SENP1: variants seen among roughly 807,000 people sequenced by gnomAD.
The protein encoded by SENP1 is sentrin-specific protease 1.
SENP1 carries 21 observed loss-of-function variants against 93.0 expected under a neutral mutation model. The ratio of observed to expected loss-of-function variants is 0.23; its 90% CI spans 0.16 to 0.33. The LOEUF (loss-of-function observed/expected upper bound fraction) is 0.33. Ranked by LOEUF, SENP1 falls within the 10% of genes least tolerant of loss-of-function variation. The pLI, the probability that SENP1 is intolerant of heterozygous loss-of-function variation, is 1.00. For synonymous variants in SENP1, 256 were observed against 259.6 expected (o/e 0.99, Z 0.13); for missense variants, 591 against 758.7 (o/e 0.78, Z 2.60).
At chr12:48,087,179 T>G (rs1294323477) in intron 5 of SENP1, among the ~76,000 whole-genome samples, 1 of 152,322 alleles carries the variant, frequency 6.6e-6, no homozygotes, top group African/African-American at 2.4e-5. Context: ...TGAGAAAATT[T>G]AAATATGACT....
At chr12:48,079,429 A>G (rs1209498634) in intron 6 of SENP1, among the ~76,000 whole-genome samples, 1 of 150,962 alleles carries the variant, frequency 6.6e-6, no homozygotes, top group Admixed American at 6.6e-5. Context: ...AACCCGGGAG[A>G]CGGAGGTTGC....
chr12:48,085,220 G>T (rs574322455), intron 5 of SENP1: 33 of 1,536,532 alleles, frequency 2.1e-5, no homozygotes, highest in Non-Finnish European at 2.9e-5. Flanking sequence ...ACACTTTCCG[G>T]CAATTTCTAA....
In SENP1 at chr12:48,062,566, T is replaced by C. The variant is rs1943028474; in HGVS notation, c.1407+1144A>G. 1.3e-5 allele frequency among the ~76,000 whole-genome samples: 2 copies of C among 152,236 alleles called. 1 individual carries two copies. The highest frequency in any genetic ancestry group is 1.3e-4 in the Admixed American group (2 of 15,284). On this transcript the variant is annotated intron_variant, in intron 13 of 17. Transcript: ENST00000549518. Reference sequence around the variant, plus strand: ...GAGAAAAAAAGCATCCTGGACATGATATATGGCTCCTAAGTTCTATATATC... The same window carrying C: ...GAGAAAAAAAGCATCCTGGACATGACATATGGCTCCTAAGTTCTATATATC...
intron 13 of SENP1, among the ~76,000 whole-genome samples, chr12:48,060,629 T>C (rs1942896728): frequency 6.6e-6 from 1 of 152,164 alleles, no homozygotes; most frequent in Non-Finnish European, 1.5e-5. Context: ...ACTCACCCTG[T>C]AGTAGAGTGC....
At chr12:48,073,388 T>C (rs779982988) in intron 8 of SENP1, among the ~76,000 whole-genome samples, 1 of 151,402 alleles carries the variant, frequency 6.6e-6, no homozygotes, top group Non-Finnish European at 1.5e-5. Flanking sequence ...AGTTTAATCC[T>C]GAGTGAGAAT....
At chr12:48,081,606 T>C (rs950610379) in intron 6 of SENP1, among the ~76,000 whole-genome samples, 6 of 145,364 alleles carry the variant, frequency 4.1e-5, no homozygotes, top group Admixed American at 2.1e-4. Context: ...TGTCTTGCTC[T>C]GTCACCCAGG....
chr12:48,056,800 A>G (rs1286495093), intron 13 of SENP1, among the ~76,000 whole-genome samples: 2 of 66,584 alleles, frequency 3.0e-5, no homozygotes, highest in Non-Finnish European at 4.9e-5. Context: ...ATTATTTAAT[A>G]TATTACATAT....
intron 1 of SENP1, 191 bp downstream of exon 1, chr12:48,105,837 A>C (rs995293588): frequency 8.4e-6 from 5 of 597,490 alleles, no homozygotes; most frequent in African/African-American, 5.6e-5. Flanking sequence ...CGGCGGCCAC[A>C]GCGCGGCCAC....
chr12:48,085,068 G>A (rs1944759336), intron 5 of SENP1: 2 of 1,302,054 alleles, frequency 1.5e-6, no homozygotes, highest in Admixed American at 2.1e-5. Context: ...AGGGATGGCG[G>A]GGAGAAGGAA....
intron 5 of SENP1, among the ~76,000 whole-genome samples, chr12:48,087,629 G>C (rs368919374): frequency 6.6e-6 from 1 of 152,194 alleles, no homozygotes; most frequent in Non-Finnish European, 1.5e-5. Context: ...GTGGTCAAGG[G>C]ATCTTCAGCT....
chr12:48,064,745 C>T (rs546858719), intron 12 of SENP1, among the ~76,000 whole-genome samples: 7 of 152,148 alleles, frequency 4.6e-5, no homozygotes, highest in South Asian at 4.1e-4. Context: ...GGCATGATCT[C>T]GGCTCACTGC....
intron 9 of SENP1, among the ~76,000 whole-genome samples, chr12:48,067,305 A>G (rs947658252): frequency 2.0e-5 from 3 of 152,232 alleles, no homozygotes; most frequent in South Asian, 2.1e-4. Context: ...ACATTAAGCT[A>G]GAACATTGCT....
intron 10 of SENP1, among the ~76,000 whole-genome samples, chr12:48,065,921 T>G (rs931623630): frequency 2.6e-5 from 4 of 152,174 alleles, no homozygotes; most frequent in African/African-American, 9.7e-5. Flanking sequence ...CGGGCTAGTC[T>G]CAAACTCCTG....
At chr12:48,049,700 T>G (rs1227909886) in intron 13 of SENP1, among the ~76,000 whole-genome samples, 1 of 152,172 alleles carries the variant, frequency 6.6e-6, no homozygotes, top group African/African-American at 2.4e-5. Flanking sequence ...AGAGGCAAAC[T>G]CTTTTGGTCT....
At position 48,065,084 on chromosome 12, in the gene SENP1, T is replaced by C. The variant is rs1430278080; in HGVS notation, c.1256A>G (p.Glu419Gly). The C allele has an allele frequency of 6.3e-7, 1 of 1,599,600 alleles. No homozygotes were observed. The highest frequency in any genetic ancestry group is 1.1e-5 in the South Asian group (1 of 90,714). ...KGHKLTDSED[E>G]FPEITEEMEK... ...ACTTACCTCTGTAATTTCAGGAAATTCATCTTCACTATCAGTTAATTTATG... is the reference window on the plus strand; with the variant it reads ...ACTTACCTCTGTAATTTCAGGAAATCCATCTTCACTATCAGTTAATTTATG... Residue 419 changes from glutamate (E) to glycine (G), a missense_variant, in exon 12 of 18, where the codon GAA becomes GGA. Glu to Gly is a moderately conservative substitution (Grantham distance 98, BLOSUM62 -2). Transcript: ENST00000549518.
intron 17 of SENP1, among the ~76,000 whole-genome samples, chr12:48,045,888 G>A (rs1367628309): frequency 1.3e-5 from 2 of 152,302 alleles, no homozygotes; most frequent in East Asian, 3.9e-4. Flanking sequence ...TGGTCTGAGA[G>A]ACCACATGGA....
intron 4 of SENP1, chr12:48,089,358 A>G: frequency 7.7e-7 from 1 of 1,305,022 alleles, no homozygotes; most frequent in Non-Finnish European, 1.0e-6. Context: ...TGTAATTCAA[A>G]TGAACAACAG....
At chr12:48,054,242 A>G (rs1168716738) in intron 13 of SENP1, among the ~76,000 whole-genome samples, 1 of 152,020 alleles carries the variant, frequency 6.6e-6, no homozygotes, top group Non-Finnish European at 1.5e-5. Context: ...AGATTTGTCT[A>G]TTTCTCCTTT....
intron 13 of SENP1, among the ~76,000 whole-genome samples, chr12:48,056,294 ATAT>A (rs1159399182): frequency 9.6e-5 from 11 of 114,258 alleles, no homozygotes; most frequent in East Asian, 2.8e-4. Context: ...CATATATAAA[ATAT>A]TATTTAATAT....
Sources: gnomAD v4.1 joint callset for allele counts (sites outside exome capture counted in the v4.1 genomes callset) on GRCh38, gnomAD v4.1.1 for gene constraint, MANE v1.5 for transcripts, NCBI Gene and HGNC (gene_info 2026-07-23, HGNC 2026-07-21) for gene names.